SPAG16: variants seen among roughly 807,000 people sequenced by gnomAD.
The protein encoded by SPAG16 is sperm-associated antigen 16 protein.
A neutral mutation model predicts 80.4 loss-of-function variants in SPAG16; 86 were observed. The ratio of observed to expected loss-of-function variants is 1.07; its 90% CI spans 0.90 to 1.28. SPAG16 has a LOEUF of 1.28. SPAG16 is among the 50% of genes most tolerant of loss of function. SPAG16 has a pLI of 0.00. For synonymous variants in SPAG16, 294 were observed against 265.9 expected (o/e 1.11, Z -1.03); for missense variants, 870 against 765.3 (o/e 1.14, Z -1.61).
chr2:214,209,714 G>T (rs911408426), intron 15 of SPAG16, among the ~76,000 whole-genome samples: 1 of 152,158 alleles, frequency 6.6e-6, no homozygotes, highest in African/African-American at 2.4e-5. Flanking sequence ...GAGGCTCATA[G>T]CAATGATGTC....
intron 13 of SPAG16, among the ~76,000 whole-genome samples, chr2:214,053,932 A>G (rs1287163864): frequency 6.6e-6 from 1 of 152,168 alleles, no homozygotes; most frequent in Non-Finnish European, 1.5e-5. Flanking sequence ...GTTTTGTTTT[A>G]TGTGCTAAGT....
At chr2:213,933,148 A>C (rs549861186) in intron 12 of SPAG16, among the ~76,000 whole-genome samples, 1 of 152,314 alleles carries the variant, frequency 6.6e-6, no homozygotes, top group Non-Finnish European at 1.5e-5. Flanking sequence ...ATCCTACACA[A>C]ATCAATAAAA....
intron 4 of SPAG16, among the ~76,000 whole-genome samples, chr2:213,311,899 T>G (rs1210303539): frequency 6.6e-6 from 1 of 151,532 alleles, no homozygotes; most frequent in Non-Finnish European, 1.5e-5. Flanking sequence ...CTTTGTTAGT[T>G]TGTTAAAATA....
At chr2:214,397,371 G>A (rs545852386) in intron 15 of SPAG16, among the ~76,000 whole-genome samples, 2 of 152,114 alleles carry the variant, frequency 1.3e-5, no homozygotes, top group East Asian at 3.9e-4. Flanking sequence ...CGTTGGCCAG[G>A]ATGGTCTCAA....
intron 10 of SPAG16, among the ~76,000 whole-genome samples, chr2:213,557,645 G>A (rs2059469389): frequency 6.6e-6 from 1 of 152,046 alleles, no homozygotes; most frequent in Non-Finnish European, 1.5e-5. Context: ...TTGAGTTGAA[G>A]TCTCACTCTG....
At position 213,735,190 on chromosome 2, in the gene SPAG16, T is replaced by C. The variant is rs140902374; in HGVS notation, c.1071-127295T>C. Among the ~76,000 whole-genome samples, 875 of 152,278 alleles carry C rather than the reference T, an allele frequency of 5.7e-3. 1 individual carries two copies. Among genetic ancestry groups the C allele is most frequent in the Non-Finnish European group, 8.8e-3 (596 of 68,020 alleles). On this transcript the variant is annotated intron_variant, in intron 10 of 15. Coordinates refer to ENST00000331683, the MANE Select transcript of SPAG16 (RefSeq NM_024532.5). ...AATAATAATGGTTATCTTTTATAAATCACCAAACTAAATATGTAGGTGCTG... is the reference window on the plus strand; with the variant it reads ...AATAATAATGGTTATCTTTTATAAACCACCAAACTAAATATGTAGGTGCTG...
intron 15 of SPAG16, among the ~76,000 whole-genome samples, chr2:214,329,220 G>T (rs542761837): frequency 6.6e-6 from 1 of 152,332 alleles, no homozygotes; most frequent in African/African-American, 2.4e-5. Flanking sequence ...AGTATGACAA[G>T]ATGCAGCCAA....
chr2:213,894,871 T>C (rs2076926863), intron 11 of SPAG16, among the ~76,000 whole-genome samples: 1 of 151,268 alleles, frequency 6.6e-6, no homozygotes, highest in Non-Finnish European at 1.5e-5. Context: ...GTGCCTGTAG[T>C]CCCAGATACT....
chr2:213,709,025 C>A (rs1417853528), intron 10 of SPAG16, among the ~76,000 whole-genome samples: 1 of 152,116 alleles, frequency 6.6e-6, no homozygotes, highest in Non-Finnish European at 1.5e-5. Flanking sequence ...CTTTGGGGCT[C>A]ACATTTATTC....
chr2:213,692,781 C>G (rs1051070837), intron 10 of SPAG16, among the ~76,000 whole-genome samples: 9 of 150,032 alleles, frequency 6.0e-5, no homozygotes, highest in South Asian at 2.1e-4. Context: ...CTGCACTCCA[C>G]CCTGGGTGAA....
At chr2:214,049,626 A>C (rs2049528149) in intron 13 of SPAG16, among the ~76,000 whole-genome samples, 1 of 152,180 alleles carries the variant, frequency 6.6e-6, no homozygotes, top group Non-Finnish European at 1.5e-5. Context: ...TTATTTTTCT[A>C]ATGTGTCTCA....
At chr2:213,641,881 T>C (rs184884974) in intron 10 of SPAG16, among the ~76,000 whole-genome samples, 30 of 152,310 alleles carry the variant, frequency 2.0e-4, no homozygotes, top group African/African-American at 7.0e-4. Context: ...AGCAAGAACT[T>C]TCCTCACAAG....
At chr2:213,515,622 GA>G (rs887695191) in intron 10 of SPAG16, among the ~76,000 whole-genome samples, 1 of 152,052 alleles carries the variant, frequency 6.6e-6, no homozygotes, top group African/African-American at 2.4e-5. Flanking sequence ...ATGCCTGGGG[GA>G]AAAATATGAC....
At chr2:214,153,879 A>G (rs915302101) in intron 15 of SPAG16, among the ~76,000 whole-genome samples, 2 of 152,148 alleles carry the variant, frequency 1.3e-5, no homozygotes, top group African/African-American at 4.8e-5. Flanking sequence ...ACATTTAAAA[A>G]GTTGTATGTG....
chr2:213,962,741 G>C (rs1443651677), intron 12 of SPAG16, among the ~76,000 whole-genome samples: 2 of 152,178 alleles, frequency 1.3e-5, no homozygotes, highest in African/African-American at 2.4e-5. Context: ...TTTACTCATT[G>C]TAAGTTTATT....
intron 9 of SPAG16, among the ~76,000 whole-genome samples, chr2:213,435,860 GCTGT>G (rs1372756545): frequency 2.0e-5 from 3 of 152,074 alleles, no homozygotes. Flanking sequence ...ATATGCCAAG[GCTGT>G]CTTTATAATC....
intron 7 of SPAG16, among the ~76,000 whole-genome samples, chr2:213,351,648 T>C (rs1031117567): frequency 4.6e-5 from 7 of 152,212 alleles, no homozygotes; most frequent in African/African-American, 1.7e-4. Context: ...ATTTTCATTT[T>C]TGGCCAAACT....
At chr2:214,251,789 G>T (rs1458720000) in intron 15 of SPAG16, among the ~76,000 whole-genome samples, 3 of 152,086 alleles carry the variant, frequency 2.0e-5, no homozygotes, top group Admixed American at 2.0e-4. Flanking sequence ...TTTAGTTCAA[G>T]GTTAAATTAT....
chr2:213,979,848 A>G (rs558692805), intron 12 of SPAG16, among the ~76,000 whole-genome samples: 1 of 152,172 alleles, frequency 6.6e-6, no homozygotes, highest in East Asian at 1.9e-4. Flanking sequence ...CATAGTACAT[A>G]ATATTCCTAT....
Sources: gnomAD v4.1 joint callset for allele counts (sites outside exome capture counted in the v4.1 genomes callset) on GRCh38, gnomAD v4.1.1 for gene constraint, MANE v1.5 for transcripts, NCBI Gene and HGNC (gene_info 2026-07-23, HGNC 2026-07-21) for gene names.